The following ADRA1B variants were observed in gnomAD, a reference collection of about 807,000 sequenced individuals.
The protein encoded by ADRA1B is alpha-1B adrenergic receptor.
Under a neutral mutation model 17.9 loss-of-function variants are expected in ADRA1B, and 17 were observed. That is an observed-to-expected ratio of 0.95 (90% confidence interval 0.65 to 1.42). The LOEUF is 1.42. ADRA1B is among the 40% of genes most tolerant of loss of function. The pLI is 0.00. For synonymous variants in ADRA1B, 366 were observed against 327.6 expected, an observed-to-expected ratio of 1.12 and a Z score of -1.27; for missense variants, 681 against 722.1, an observed-to-expected ratio of 0.94 and a Z score of 0.65.
chr5:159,973,101 A>G (rs1365254541), downstream of ADRA1B, among the ~76,000 whole-genome samples: 1 of 152,172 alleles, frequency 6.6e-6, no homozygotes, highest in Non-Finnish European at 1.5e-5. Context: ...CCTAGGTCTT[A>G]GGGTCCTTCG....
At chr5:159,950,414 G>T in intron 1 of ADRA1B, 1 of 728,226 alleles carries the variant, frequency 1.4e-6, no homozygotes, top group Non-Finnish European at 2.4e-6. Flanking sequence ...ATGGGGGACT[G>T]TGTGTGGCAG....
At chr5:159,965,599 T>C (rs1755760948) in intron 1 of ADRA1B, among the ~76,000 whole-genome samples, 1 of 152,212 alleles carries the variant, frequency 6.6e-6, no homozygotes, top group Admixed American at 6.5e-5. Flanking sequence ...CTTCTTGGTT[T>C]CCACCAAGGC....
chr5:159,931,037 T>A (rs1256460927), intron 1 of ADRA1B, among the ~76,000 whole-genome samples: 1 of 147,272 alleles, frequency 6.8e-6, no homozygotes, highest in Non-Finnish European at 1.5e-5. Context: ...AATATATATA[T>A]TATATATATT....
In ADRA1B at chr5:159,917,682, C is replaced by T. The variant is rs1754362969; in HGVS notation, c.777C>T (p.Asn259=). 1 of 1,613,960 alleles carries T rather than the reference C, an allele frequency of 6.2e-7. No individual in the cohort carries two copies. The highest frequency in any genetic ancestry group is 8.5e-7 in the Non-Finnish European group (1 of 1,180,028). Residue 259 remains asparagine, a synonymous_variant, in exon 1 of 2, where the codon AAC becomes AAT. Transcript: ENST00000306675. ...KELTLRIHSK[N]FHEDTLSSTK... The stretch of plus-strand genomic sequence containing the variant: ...TGACCCTGAGGATCCATTCCAAGAA[C>T]TTTCACGAGGACACCCTTAGCAGTA...
chr5:159,929,803 ACT>A (rs1754753447), intron 1 of ADRA1B, among the ~76,000 whole-genome samples: 1 of 151,858 alleles, frequency 6.6e-6, no homozygotes, highest in Non-Finnish European at 1.5e-5. Flanking sequence ...CACACCCAAC[ACT>A]CTCAGTATTT....
intron 1 of ADRA1B, among the ~76,000 whole-genome samples, chr5:159,938,443 C>T (rs1755015284): frequency 6.6e-6 from 1 of 152,192 alleles, no homozygotes; most frequent in African/African-American, 2.4e-5. Context: ...TAGCCTTTCT[C>T]CACCCCACAT....
At chr5:159,979,898 AG>A in the ADRA1B span, among the ~76,000 whole-genome samples, 1 of 151,388 alleles carries the variant, frequency 6.6e-6, no homozygotes, top group African/African-American at 2.4e-5. Flanking sequence ...CCAAGTAGAG[AG>A]GGCAAGAAGG....
At chr5:159,908,165 C>A (rs1754186127) in intron 1 of ADRA1B, among the ~76,000 whole-genome samples, 1 of 152,168 alleles carries the variant, frequency 6.6e-6, no homozygotes, top group African/African-American at 2.4e-5. Flanking sequence ...GAGACAGGCA[C>A]ATATTTGTGT....
At chr5:159,943,187 G>C (rs1489305993) in intron 1 of ADRA1B, among the ~76,000 whole-genome samples, 1 of 151,364 alleles carries the variant, frequency 6.6e-6, no homozygotes, top group East Asian at 1.9e-4. Flanking sequence ...ACTCCCGCCT[G>C]GGTGACAGAG....
At chr5:159,867,510 T>C (rs1223419067) in intron 1 of ADRA1B, among the ~76,000 whole-genome samples, 1 of 152,132 alleles carries the variant, frequency 6.6e-6, no homozygotes. Flanking sequence ...TCTCCCTTTC[T>C]TCCTCTTCAC....
chr5:159,906,230 G>C (rs1335335357), intron 1 of ADRA1B, among the ~76,000 whole-genome samples: 3 of 152,168 alleles, frequency 2.0e-5, no homozygotes, highest in African/African-American at 7.2e-5. Context: ...TTTAAGACCT[G>C]CATCCTATAA....
intron 1 of ADRA1B, among the ~76,000 whole-genome samples, chr5:159,963,287 A>AGTATATATATATATAT (rs1331462033): frequency 2.2e-5 from 2 of 89,942 alleles, no homozygotes; most frequent in Non-Finnish European, 4.8e-5. Context: ...AAACAAAAAA[A>AGTATATATATATATAT]GTATATATAT....
intron 1 of ADRA1B, among the ~76,000 whole-genome samples, chr5:159,919,832 A>G (rs891706561): frequency 3.9e-5 from 6 of 152,264 alleles, no homozygotes; most frequent in African/African-American, 1.4e-4. Flanking sequence ...AAATAGCTCC[A>G]AACAGGTAAG....
chr5:159,903,638 G>A (rs1165568738), intron 1 of ADRA1B, among the ~76,000 whole-genome samples: 2 of 152,244 alleles, frequency 1.3e-5, no homozygotes, highest in African/African-American at 4.8e-5. Flanking sequence ...AACTCCCGTG[G>A]GAGTGTGTGG....
intron 1 of ADRA1B, among the ~76,000 whole-genome samples, chr5:159,902,954 C>A (rs1050082824): frequency 6.6e-6 from 1 of 152,152 alleles, no homozygotes; most frequent in Admixed American, 6.5e-5. Context: ...CTGTCGCTCT[C>A]GGACAGAACA....
rs1282759596 is a variant in ADRA1B at position 159,917,085 on chromosome 5, C to T, written c.180C>T (p.Ile60=). The change falls in exon 1 of 2, where the codon ATC becomes ATT. Residue 60 remains isoleucine (I), a synonymous_variant. Coordinates refer to ENST00000306675, the MANE Select transcript of ADRA1B (RefSeq NM_000679.4). ...TGGGCGCCTTCATCCTCTTTGCCAT[C>T]GTGGGCAACATCCTAGTCATCTTGT... ...LVLGAFILFA[I]VGNILVILSV... 1.9e-6 allele frequency: 3 copies of T among 1,614,134 alleles called. No individual in the cohort carries two copies. The highest frequency in any genetic ancestry group is 3.3e-5 in the Admixed American group (2 of 60,020).
intron 1 of ADRA1B, among the ~76,000 whole-genome samples, chr5:159,875,806 A>G (rs1022281395): frequency 6.6e-6 from 1 of 152,190 alleles, no homozygotes; most frequent in Non-Finnish European, 1.5e-5. Context: ...GGAGAAGAAA[A>G]AGGGAGGGTC....
chr5:159,882,084 G>C (rs138771932), intron 1 of ADRA1B, among the ~76,000 whole-genome samples: 1 of 152,178 alleles, frequency 6.6e-6, no homozygotes, highest in Admixed American at 6.5e-5. Context: ...CTTCCTCCCT[G>C]TGTGCATAAA....
At chr5:159,876,867 C>T (rs945041365) in intron 1 of ADRA1B, among the ~76,000 whole-genome samples, 11 of 152,224 alleles carry the variant, frequency 7.2e-5, no homozygotes, top group African/African-American at 2.7e-4. Flanking sequence ...TTGTTATGAA[C>T]TCTACCACTC....
Sources: gnomAD v4.1 joint callset for allele counts (sites outside exome capture counted in the v4.1 genomes callset) on GRCh38, gnomAD v4.1.1 for gene constraint, MANE v1.5 for transcripts, NCBI Gene and HGNC (gene_info 2026-07-23, HGNC 2026-07-21) for gene names.